The following LRP1B variants were observed in gnomAD, a reference collection of about 807,000 sequenced individuals.
LRP1B encodes the protein LDL receptor related protein 1B, also known as low-density lipoprotein receptor-related protein 1B.
A neutral mutation model predicts 556.6 loss-of-function variants in LRP1B; 217 were observed. The observed-to-expected ratio is 0.39, with a 90% confidence interval of 0.35 to 0.44. The LOEUF (loss-of-function observed/expected upper bound fraction) is 0.44, where lower values mean the gene tolerates loss of function less well. LRP1B is among the 20% of genes least tolerant of loss of function. The pLI, the probability that LRP1B is intolerant of heterozygous loss-of-function variation, is 1.00. For missense variants in LRP1B, 5,053 were observed against 5,620.8 expected (o/e 0.90, Z 3.23); for synonymous variants, 2,047 against 1,865.8 (o/e 1.10, Z -2.50).
intron 18 of LRP1B, among the ~76,000 whole-genome samples, chr2:140,959,877 A>C (rs2105313359): frequency 6.6e-6 from 1 of 151,798 alleles, no homozygotes. Context: ...TTTTTCTCTC[A>C]TTCAAATTCA....
intron 20 of LRP1B, 24 bp from the exon 21 acceptor site, chr2:140,923,171 G>T (rs1473965131): frequency 6.4e-7 from 1 of 1,574,422 alleles, no homozygotes; most frequent in South Asian, 1.1e-5. Context: ...GAGGAAGAGA[G>T]AAGCAGAGGG....
At chr2:141,137,366 T>C (rs1206956698) in intron 7 of LRP1B, among the ~76,000 whole-genome samples, 1 of 151,886 alleles carries the variant, frequency 6.6e-6, no homozygotes, top group African/African-American at 2.4e-5. Context: ...TCCTGGACTT[T>C]AAAGACCCAA....
At chr2:141,601,647 T>A (rs1559169105) in intron 2 of LRP1B, among the ~76,000 whole-genome samples, 1 of 115,786 alleles carries the variant, frequency 8.6e-6, no homozygotes, top group Admixed American at 8.0e-5. Flanking sequence ...TCCTTCCTTT[T>A]TTTTTCCTTC....
chr2:140,548,223 C>T (rs1433266359), intron 43 of LRP1B, among the ~76,000 whole-genome samples: 1 of 152,082 alleles, frequency 6.6e-6, no homozygotes, highest in East Asian at 1.9e-4. Flanking sequence ...AACAGTGATA[C>T]ACCTCATTAA....
rs1427895631 is a variant in LRP1B at position 140,238,264 on chromosome 2, T to C, written c.13448A>G (p.Asn4483Ser). 1 of 1,560,812 alleles carries C rather than the reference T, an allele frequency of 6.4e-7. No individual in the cohort carries two copies. Among genetic ancestry groups the C allele is most frequent in the Non-Finnish European group, 8.8e-7 (1 of 1,134,268 alleles). The change falls in exon 89 of 91, where the codon AAT becomes AGT. Residue 4483 changes from asparagine to serine, a missense_variant. Asn to Ser is a conservative substitution (Grantham distance 46). Around this residue, in one of 5 missense-constraint regions of LRP1B, gnomAD observed 551 missense variants for 592.0 expected, o/e 0.93. Transcript: ENST00000389484. ...GCCAATTTCTACATTTATTCCTCCATTGATAATAGGTTGTCTTCTAATTGT... is the reference window on the plus strand; with the variant it reads ...GCCAATTTCTACATTTATTCCTCCACTGATAATAGGTTGTCTTCTAATTGT... ...TKTIRRQPII[N>S]GGINVEIGNP... is the part of the protein sequence containing the mutation.
intron 2 of LRP1B, among the ~76,000 whole-genome samples, chr2:141,519,401 A>ATATATATATATATG (rs1684454037): frequency 8.8e-5 from 2 of 22,608 alleles, no homozygotes; most frequent in Non-Finnish European, 1.9e-4. Flanking sequence ...ATATATATAT[A>ATATATATATATATG]TGAAATGCAA....
Position 141,459,417 on chromosome 2 carries a change from G to C in LRP1B, c.343+20979C>G, listed in dbSNP as rs1007046234. Among the ~76,000 whole-genome samples, 3 of 152,166 alleles carry C rather than the reference G, an allele frequency of 2.0e-5. No individual in the cohort carries two copies. In the East Asian group the frequency reaches 5.8e-4, roughly 29 times the overall value. On this transcript the variant is annotated intron_variant, in intron 3 of 90. Coordinates refer to ENST00000389484, the MANE Select transcript of LRP1B (RefSeq NM_018557.3). ...AATTCAAAACAGAGAGCTAGTAAAT[G>C]TCTGAGGCTGAATTGTGGGTGCAGG...
In LRP1B at chr2:140,766,822, A is replaced by AAT. The variant is rs34690760; in HGVS notation, c.5758+2389_5758+2390dup. Reference sequence around the variant, plus strand: ...TGTAGCTTCCAGGGCATCTTTGTAAAATATATATATATATATATATATTAT... The same window carrying AAT: ...TGTAGCTTCCAGGGCATCTTTGTAAAATATATATATATATATATATATATTAT... On this transcript the variant is annotated intron_variant, in intron 35 of 90. Transcript: ENST00000389484. Among the ~76,000 whole-genome samples, 143 of 105,608 alleles carry AAT rather than the reference A, an allele frequency of 1.4e-3. 4 individuals carry two copies. The highest frequency in any genetic ancestry group is 8.6e-3 in the Middle Eastern group (2 of 232). 69.3% of individuals were successfully genotyped at this position (105,608 alleles called of 152,430 possible).
intron 43 of LRP1B, among the ~76,000 whole-genome samples, chr2:140,566,110 A>C (rs1681115872): frequency 6.6e-6 from 1 of 152,098 alleles, no homozygotes; most frequent in Admixed American, 6.6e-5. Flanking sequence ...GTGAGTGGCC[A>C]TGGCACTCTT....
At chr2:140,694,115 A>G (rs1037330068) in intron 41 of LRP1B, among the ~76,000 whole-genome samples, 8 of 152,244 alleles carry the variant, frequency 5.3e-5, no homozygotes, top group African/African-American at 1.9e-4. Flanking sequence ...AAAACAAAAC[A>G]TCAGAATGCA....
At chr2:141,943,801 A>G (rs1459254427) in intron 1 of LRP1B, among the ~76,000 whole-genome samples, 1 of 152,212 alleles carries the variant, frequency 6.6e-6, no homozygotes, top group East Asian at 1.9e-4. Context: ...CTGTCCCAGC[A>G]TCATAATGTA....
chr2:140,866,707 G>A (rs542127746), intron 27 of LRP1B, among the ~76,000 whole-genome samples: 3 of 152,126 alleles, frequency 2.0e-5, no homozygotes, highest in East Asian at 3.9e-4. Context: ...GAGAATGAAC[G>A]CAACACACTG....
chr2:141,407,184 T>C (rs1427516265), intron 3 of LRP1B, among the ~76,000 whole-genome samples: 1 of 152,182 alleles, frequency 6.6e-6, no homozygotes. Context: ...ATATATTCTA[T>C]ACATTTTGAG....
At chr2:141,915,611 G>A (rs1175420289) in intron 1 of LRP1B, among the ~76,000 whole-genome samples, 1 of 152,058 alleles carries the variant, frequency 6.6e-6, no homozygotes, top group Admixed American at 6.6e-5. Context: ...AAGAGCTACT[G>A]CACAGCAAAA....
chr2:141,215,920 G>A (rs964195752), intron 6 of LRP1B, among the ~76,000 whole-genome samples: 4 of 152,192 alleles, frequency 2.6e-5, no homozygotes, highest in Non-Finnish European at 4.4e-5. Flanking sequence ...AGAGAAAGAA[G>A]CTTTTTCTAG....
chr2:142,007,598 G>A (rs964412062), intron 1 of LRP1B, among the ~76,000 whole-genome samples: 63 of 152,264 alleles, frequency 4.1e-4, no homozygotes, highest in African/African-American at 1.3e-3. Flanking sequence ...TCTGACAGCT[G>A]ACAGCTTAAA....
chr2:141,994,189 C>T (rs1702423337), intron 1 of LRP1B, among the ~76,000 whole-genome samples: 1 of 152,094 alleles, frequency 6.6e-6, no homozygotes, highest in Admixed American at 6.6e-5. Flanking sequence ...CTTCTATTTT[C>T]CAGAGAGTTG....
At chr2:140,338,461 A>G (rs570224237) in intron 77 of LRP1B, among the ~76,000 whole-genome samples, 1 of 151,778 alleles carries the variant, frequency 6.6e-6, no homozygotes, top group Non-Finnish European at 1.5e-5. Context: ...AGGTGACAAC[A>G]TATTAACCTA....
chr2:141,093,269 T>G (rs1031288236), intron 7 of LRP1B, among the ~76,000 whole-genome samples: 5 of 152,156 alleles, frequency 3.3e-5, no homozygotes, highest in Non-Finnish European at 7.3e-5. Context: ...CAAAATATTT[T>G]ATGTTCAATT....
Sources: allele counts gnomAD v4.1 joint callset (sites outside exome capture counted in the v4.1 genomes callset), GRCh38; gene constraint gnomAD v4.1.1; regional missense constraint gnomAD v4.1.1; transcripts MANE v1.5; gene names NCBI Gene and HGNC (gene_info 2026-07-23, HGNC 2026-07-21).